PCDHGA4: variants seen among roughly 807,000 people sequenced by gnomAD.
The protein encoded by PCDHGA4 is protocadherin gamma subfamily A, 4, also known as protocadherin gamma-A4.
In PCDHGA4, 38 loss-of-function variants were observed where a neutral mutation model predicts 54.6. That is an observed-to-expected ratio of 0.70 (90% confidence interval 0.54 to 0.91). PCDHGA4 has a LOEUF of 0.91. Ranked by LOEUF, PCDHGA4 falls within the 40% of genes least tolerant of loss-of-function variation. The probability of loss-of-function intolerance (pLI) is 0.00; values close to 1 mark genes in which losing one functional copy is unlikely to be tolerated. For synonymous variants in PCDHGA4, 511 were observed against 512.9 expected, an observed-to-expected ratio of 1.00 and a Z score of 0.05; for missense variants, 1,298 against 1,220.9, an observed-to-expected ratio of 1.06 and a Z score of -0.94.
chr5:141,417,633 G>C, intron 1 of PCDHGA4: 1 of 712,146 alleles, frequency 1.4e-6, no homozygotes, highest in South Asian at 2.3e-5. Flanking sequence ...CGCTGACGCC[G>C]GGGATCCCTC....
At chr5:141,474,252 A>T (rs1381172188) in intron 1 of PCDHGA4, among the ~76,000 whole-genome samples, 1 of 152,200 alleles carries the variant, frequency 6.6e-6, no homozygotes, top group Non-Finnish European at 1.5e-5. Flanking sequence ...GGAAAAAAAG[A>T]CTGATAAACC....
chr5:141,400,639 C>A, intron 1 of PCDHGA4: 1 of 1,310,186 alleles, frequency 7.6e-7, no homozygotes, highest in Non-Finnish European at 1.1e-6. Context: ...CAGAGCTGCT[C>A]AGAAAGCTGT....
intron 1 of PCDHGA4, chr5:141,405,052 C>G (rs182635391): frequency 4.3e-6 from 7 of 1,613,836 alleles, no homozygotes; most frequent in Non-Finnish European, 5.9e-6. Context: ...TGGCAGTCGT[C>G]TCCTGTGTCT....
At chr5:141,505,127 A>C (rs926566427) in intron 2 of PCDHGA4, among the ~76,000 whole-genome samples, 1 of 152,158 alleles carries the variant, frequency 6.6e-6, no homozygotes, top group Non-Finnish European at 1.5e-5. Context: ...GCGCCACTGC[A>C]CTCCAGCCTG....
intron 1 of PCDHGA4, chr5:141,405,186 G>A (rs762537440): frequency 6.2e-6 from 10 of 1,612,892 alleles, no homozygotes; most frequent in Non-Finnish European, 8.5e-6. Context: ...GGTGTAGATG[G>A]GGTTCGAGCT....
chr5:141,486,408 C>T lies in PCDHGA4; in HGVS notation c.2515-8399C>T. On this transcript the variant is annotated intron_variant, in intron 1 of 3. Coordinates refer to ENST00000571252, the MANE Select transcript of PCDHGA4 (RefSeq NM_018917.4). This position sits in a 1 kb window ranked among gnomAD's most constrained non-coding sequence, Gnocchi z 5.0. ...CAGTTCTCCCTGGTGACTGCTGGAC[C>T]CTTGGATCGAGAGGCCAAATCTAGC... is the stretch of plus-strand genomic sequence containing the variant. The T allele has an allele frequency of 1.2e-6, 2 of 1,614,156 alleles. No individual in the cohort carries two copies. Among genetic ancestry groups the T allele is most frequent in the South Asian group, 2.2e-5 (2 of 91,084 alleles).
chr5:141,505,645 G>A (rs997169182), intron 3 of PCDHGA4, 164 bp downstream of exon 3: 2 of 964,274 alleles, frequency 2.1e-6, no homozygotes, highest in African/African-American at 1.8e-5. Flanking sequence ...GCCTGGAATT[G>A]TGGCTAAGGA....
At chr5:141,368,564 A>G (rs1368053393) in intron 1 of PCDHGA4, among the ~76,000 whole-genome samples, 1 of 152,176 alleles carries the variant, frequency 6.6e-6, no homozygotes, top group African/African-American at 2.4e-5. Flanking sequence ...AAAATGTTAT[A>G]TGCTTCTTAG....
At chr5:141,509,322 C>G (rs563556144) in intron 3 of PCDHGA4, among the ~76,000 whole-genome samples, 1 of 152,318 alleles carries the variant, frequency 6.6e-6, no homozygotes, top group East Asian at 1.9e-4. Flanking sequence ...GAGAGAAGCT[C>G]TACTGCCAGC....
chr5:141,361,182 G>A (rs376882435), intron 1 of PCDHGA4: 56 of 1,613,766 alleles, frequency 3.5e-5, no homozygotes, highest in Non-Finnish European at 4.7e-5. Context: ...AAGTTATTGT[G>A]ACTTCAGTAT....
intron 1 of PCDHGA4, chr5:141,389,708 G>A: frequency 6.2e-7 from 1 of 1,612,610 alleles, no homozygotes; most frequent in South Asian, 1.1e-5. Context: ...ACGTGCTGCA[G>A]GCTAGCGAGC....
At chr5:141,375,760 G>A (rs779640846) in intron 1 of PCDHGA4, 3 of 1,614,236 alleles carry the variant, frequency 1.9e-6, no homozygotes, top group African/African-American at 2.7e-5. Context: ...ATGACAATGC[G>A]CCCGAGATCC....
At position 141,511,246 on chromosome 5, in the gene PCDHGA4, G is replaced by A; in HGVS notation, c.*73G>A. 2 of 1,578,734 alleles carry A rather than the reference G, an allele frequency of 1.3e-6. No homozygotes were observed. Among genetic ancestry groups the A allele is most frequent in the Non-Finnish European group, 1.7e-6 (2 of 1,162,472 alleles). On this transcript the variant is annotated 3_prime_UTR_variant, in exon 4 of 4. Coordinates refer to ENST00000571252, the MANE Select transcript of PCDHGA4 (RefSeq NM_018917.4). The stretch of plus-strand genomic sequence containing the variant: ...CCAGCTTCTCCTTACCTGCACCCAG[G>A]CCTCAGAGTTTCAGGGCTAACCCCC...
intron 1 of PCDHGA4, among the ~76,000 whole-genome samples, chr5:141,481,037 G>A (rs1438691746): frequency 2.0e-5 from 3 of 152,050 alleles, no homozygotes; most frequent in East Asian, 3.9e-4. Context: ...CAGCCTGGGC[G>A]ACAGAGCGAG....
Position 141,464,802 on chromosome 5 carries a change from A to G in PCDHGA4, c.2515-30005A>G, listed in dbSNP as rs545738780. ...TGCCCAGGCCAAATTGCAGTGATGC[A>G]GTCATAGCTCACTGTAGCCTCGCAC... On this transcript the variant is annotated intron_variant, in intron 1 of 3. Transcript: ENST00000571252. Among the ~76,000 whole-genome samples, 25 of 152,032 alleles carry G rather than the reference A, an allele frequency of 1.6e-4. No homozygotes were observed. In the East Asian group the frequency reaches 4.8e-3, roughly 29 times the overall value.
intron 1 of PCDHGA4, among the ~76,000 whole-genome samples, chr5:141,450,082 C>T (rs2098668421): frequency 6.8e-6 from 1 of 147,384 alleles, no homozygotes. Context: ...TCTTGGCTCA[C>T]TGCAACCTCC....
In PCDHGA4 at chr5:141,361,474, G is replaced by A. The variant is rs773626542; in HGVS notation, c.2514+3853G>A. ...CACCCTGCACATCTCCGACGTCAAC[G>A]ATAATGCCCCAGTTTTCCAACAGAC... is the stretch of plus-strand genomic sequence containing the variant. On this transcript the variant is annotated intron_variant, in intron 1 of 3. Transcript: ENST00000571252. 19 of 1,613,872 alleles carry A rather than the reference G, an allele frequency of 1.2e-5. No homozygotes were observed. The highest frequency in any genetic ancestry group is 1.5e-5 in the Non-Finnish European group (18 of 1,179,900).
At chr5:141,392,763 A>G in intron 1 of PCDHGA4, 4 of 1,480,256 alleles carry the variant, frequency 2.7e-6, no homozygotes, top group Non-Finnish European at 3.6e-6. Context: ...ACTAAATAAG[A>G]CCCATTTATG....
intron 1 of PCDHGA4, chr5:141,414,528 C>T: frequency 6.2e-7 from 1 of 1,613,970 alleles, no homozygotes; most frequent in Non-Finnish European, 8.5e-7. Flanking sequence ...ATATCAATGA[C>T]AACCCACCTA....
Sources: allele counts gnomAD v4.1 joint callset (sites outside exome capture counted in the v4.1 genomes callset), GRCh38; gene constraint gnomAD v4.1.1; non-coding constraint Gnocchi (gnomAD v3.1); transcripts MANE v1.5; gene names NCBI Gene and HGNC (gene_info 2026-07-23, HGNC 2026-07-21).